GHR: variants seen among roughly 807,000 people sequenced by gnomAD.
GHR encodes the protein GH receptor.
GHR carries 35 observed loss-of-function variants against 67.1 expected under a neutral mutation model. The observed-to-expected ratio is 0.52, with a 90% CI of 0.40 to 0.69. The LOEUF is 0.69. Ranked by LOEUF, GHR falls within the 30% of genes least tolerant of loss-of-function variation. GHR has a pLI of 0.00. For missense variants in GHR, 792 were observed against 764.6 expected (o/e 1.04, Z -0.42); for synonymous variants, 272 against 269.1 (o/e 1.01, Z -0.10).
At chr5:42,442,379 A>C (rs1743616873) in intron 1 of GHR, among the ~76,000 whole-genome samples, 1 of 152,218 alleles carries the variant, frequency 6.6e-6, no homozygotes, top group African/African-American at 2.4e-5. Context: ...AGTTTACCAG[A>C]CACAGAAAAA....
chr5:42,484,281 G>C (rs1387472307), intron 1 of GHR, among the ~76,000 whole-genome samples: 1 of 152,112 alleles, frequency 6.6e-6, no homozygotes, highest in African/African-American at 2.4e-5. Context: ...CATGTGTGTG[G>C]TGTCTAATTC....
At chr5:42,653,408 T>A (rs773395638) in intron 3 of GHR, among the ~76,000 whole-genome samples, 3 of 152,078 alleles carry the variant, frequency 2.0e-5, no homozygotes, top group African/African-American at 4.8e-5. Flanking sequence ...GCCATCCCTA[T>A]CTTGTTCTAA....
At chr5:42,531,114 A>G (rs1032714080) in intron 1 of GHR, among the ~76,000 whole-genome samples, 18 of 152,128 alleles carry the variant, frequency 1.2e-4, no homozygotes, top group Admixed American at 9.2e-4. Flanking sequence ...CTAAAAATAC[A>G]AAAATTAGCC....
chr5:42,713,865 A>G (rs1758590641), intron 8 of GHR: 1 of 279,056 alleles, frequency 3.6e-6, no homozygotes, highest in South Asian at 4.1e-5. Context: ...CAGGACTTCA[A>G]AGTATCACTG....
At chr5:42,468,843 G>A in intron 1 of GHR, 2 of 980,578 alleles carry the variant, frequency 2.0e-6, no homozygotes, top group Non-Finnish European at 3.0e-6. Flanking sequence ...GGCAGCTGAA[G>A]CCTTCCTGTA....
At chr5:42,545,627 T>C (rs1054063547) in intron 1 of GHR, among the ~76,000 whole-genome samples, 1 of 152,186 alleles carries the variant, frequency 6.6e-6, no homozygotes, top group Non-Finnish European at 1.5e-5. Flanking sequence ...AAATATGAAG[T>C]GTCTGCGCTT....
chr5:42,642,832 C>G (rs760223375), intron 3 of GHR, among the ~76,000 whole-genome samples: 2 of 152,114 alleles, frequency 1.3e-5, no homozygotes, highest in Non-Finnish European at 2.9e-5. Context: ...TGTTCCATGC[C>G]TCTCTCCTAG....
intron 2 of GHR, among the ~76,000 whole-genome samples, chr5:42,581,837 T>C (rs925300587): frequency 2.0e-5 from 3 of 152,062 alleles, no homozygotes; most frequent in African/African-American, 7.2e-5. Flanking sequence ...CATCTGTGCC[T>C]CTAGACCTGG....
intron 1 of GHR, chr5:42,467,395 C>T (rs930504785): frequency 2.1e-6 from 2 of 938,102 alleles, no homozygotes; most frequent in African/African-American, 1.6e-5. Flanking sequence ...GGGCTTCTCC[C>T]CAGTGTGGAT....
chr5:42,442,467 G>T (rs34791766), intron 1 of GHR, among the ~76,000 whole-genome samples: 1 of 152,188 alleles, frequency 6.6e-6, no homozygotes, highest in Non-Finnish European at 1.5e-5. Context: ...ATTGGCATGG[G>T]CAAGGGAGCT....
chr5:42,542,554 A>G (rs145212073), intron 1 of GHR, among the ~76,000 whole-genome samples: 170 of 152,270 alleles, frequency 1.1e-3, no homozygotes, highest in Admixed American at 5.2e-3. Flanking sequence ...AAAAGGAGAT[A>G]ATTTTAGTGC....
At chr5:42,501,942 T>G (rs1036549208) in intron 1 of GHR, among the ~76,000 whole-genome samples, 1 of 152,214 alleles carries the variant, frequency 6.6e-6, no homozygotes, top group African/African-American at 2.4e-5. Context: ...TCATGTATTG[T>G]GTTAATTGCA....
intron 9 of GHR, 112 bp from the exon 10 acceptor site, chr5:42,718,341 T>G (rs1758827065): frequency 1.2e-6 from 1 of 835,146 alleles, no homozygotes; most frequent in African/African-American, 1.7e-5. Flanking sequence ...TTATATGTTT[T>G]GTTACTGTTG....
chr5:42,483,133 A>G (rs991443692), intron 1 of GHR, among the ~76,000 whole-genome samples: 4 of 152,134 alleles, frequency 2.6e-5, no homozygotes, highest in Admixed American at 2.0e-4. Flanking sequence ...CAGTGGTGCC[A>G]TCTCAGCTCA....
At chr5:42,474,734 ACAAT>A (rs909293819) in intron 1 of GHR, among the ~76,000 whole-genome samples, 13 of 152,192 alleles carry the variant, frequency 8.5e-5, no homozygotes, top group Non-Finnish European at 1.3e-4. Context: ...CTTATACAAG[ACAAT>A]CAAAGAGGAA....
rs531453992 is a variant in GHR at position 42,514,160 on chromosome 5, G to A, written c.-11-51704G>A. ...AAAACATTTGCTGAATTCACTGGGC[G>A]CATCTTACAAGTAATTTTTGGATTC... On this transcript the variant is annotated intron_variant, in intron 1 of 9. Transcript: ENST00000230882. The A allele has an allele frequency of 8.7e-5, 86 of 984,128 alleles. No homozygotes were observed. The African/African-American group carries it at 1.3e-3, about 15-fold the overall frequency. 61.0% of individuals were successfully genotyped at this position (984,128 alleles called of 1,614,324 possible).
At chr5:42,475,961 G>C (rs1209354625) in intron 1 of GHR, among the ~76,000 whole-genome samples, 1 of 149,368 alleles carries the variant, frequency 6.7e-6, no homozygotes, top group African/African-American at 2.5e-5. Context: ...CTGGAGTGCA[G>C]TGGCGGGATC....
intron 1 of GHR, among the ~76,000 whole-genome samples, chr5:42,481,388 G>A (rs182644956): frequency 1.3e-5 from 2 of 152,162 alleles, no homozygotes; most frequent in South Asian, 2.1e-4. Context: ...TTCTCGAGGA[G>A]TATCTTTATG....
intron 3 of GHR, among the ~76,000 whole-genome samples, chr5:42,665,757 GA>G (rs775381802): frequency 2.5e-4 from 35 of 142,462 alleles, no homozygotes; most frequent in South Asian, 2.2e-4. Context: ...AATAATAAAA[GA>G]AAAAAAAAGA....
Sources: gnomAD v4.1 joint callset for allele counts (sites outside exome capture counted in the v4.1 genomes callset) on GRCh38, gnomAD v4.1.1 for gene constraint, MANE v1.5 for transcripts, NCBI Gene and HGNC (gene_info 2026-07-23, HGNC 2026-07-21) for gene names.